The following EDIL3 variants were observed in gnomAD, a reference collection of about 807,000 sequenced individuals.
EDIL3 encodes EGF-like repeat and discoidin I-like domain-containing protein 3.
Under a neutral mutation model 67.4 loss-of-function variants are expected in EDIL3, and 37 were observed. That is an observed-to-expected ratio of 0.55 (90% confidence interval 0.42 to 0.72). EDIL3 has a LOEUF of 0.72. Ranked by LOEUF, EDIL3 falls within the 30% of genes least tolerant of loss-of-function variation. EDIL3 has a pLI of 0.00. For synonymous variants in EDIL3, 195 were observed against 196.3 expected, an observed-to-expected ratio of 0.99 and a Z score of 0.05; for missense variants, 527 against 586.3, an observed-to-expected ratio of 0.90 and a Z score of 1.04.
chr5:84,338,482 T>TCTCCCTCCCTCTCTTC (rs1447116145), intron 1 of EDIL3, among the ~76,000 whole-genome samples: 1 of 152,140 alleles, frequency 6.6e-6, no homozygotes, highest in Admixed American at 6.6e-5. Flanking sequence ...TCCCTCTCTG[T>TCTCCCTCCCTCTCTTC]CTCCCTCCCT....
At chr5:84,020,429 T>C (rs1435344994) in intron 9 of EDIL3, among the ~76,000 whole-genome samples, 1 of 152,120 alleles carries the variant, frequency 6.6e-6, no homozygotes, top group Non-Finnish European at 1.5e-5. Context: ...GCAATCTAAA[T>C]GGCAGCTGTT....
chr5:84,271,615 C>A (rs1325926957), intron 1 of EDIL3, among the ~76,000 whole-genome samples: 5 of 151,952 alleles, frequency 3.3e-5, no homozygotes, highest in African/African-American at 1.2e-4. Flanking sequence ...AATTTACTTA[C>A]CTCTGGAAAA....
intron 6 of EDIL3, among the ~76,000 whole-genome samples, chr5:84,092,521 A>G (rs752532600): frequency 6.6e-6 from 1 of 152,180 alleles, no homozygotes; most frequent in African/African-American, 2.4e-5. Flanking sequence ...GTAATTCTCT[A>G]TAACTCTTTG....
intron 5 of EDIL3, among the ~76,000 whole-genome samples, chr5:84,135,298 G>A (rs1748068681): frequency 6.6e-6 from 1 of 152,108 alleles, no homozygotes; most frequent in Non-Finnish European, 1.5e-5. Context: ...TGTTCCCCTA[G>A]TCAGGCCTCC....
At chr5:84,225,270 C>T (rs1744427206) in intron 3 of EDIL3, among the ~76,000 whole-genome samples, 1 of 151,590 alleles carries the variant, frequency 6.6e-6, no homozygotes, top group South Asian at 2.1e-4. Flanking sequence ...TCATGCATCC[C>T]CTCTACGAGT....
At chr5:84,187,856 T>A (rs191993006) in intron 3 of EDIL3, among the ~76,000 whole-genome samples, 147 of 152,074 alleles carry the variant, frequency 9.7e-4, no homozygotes, top group African/African-American at 3.2e-3. Flanking sequence ...CCTTCTCCTT[T>A]GTACTCCTCC....
At chr5:83,954,777 C>T (rs181632105) in intron 10 of EDIL3, among the ~76,000 whole-genome samples, 1 of 151,820 alleles carries the variant, frequency 6.6e-6, no homozygotes, top group Admixed American at 6.6e-5. Flanking sequence ...TCAGATTGAT[C>T]GAGTACTTGT....
At chr5:84,260,265 G>C (rs1484124670) in intron 1 of EDIL3, among the ~76,000 whole-genome samples, 5 of 152,130 alleles carry the variant, frequency 3.3e-5, no homozygotes, top group Non-Finnish European at 7.4e-5. Flanking sequence ...CTTCACAAGA[G>C]CTGCAAACTG....
intron 3 of EDIL3, among the ~76,000 whole-genome samples, chr5:84,224,405 A>G (rs1744407344): frequency 6.6e-6 from 1 of 151,572 alleles, no homozygotes; most frequent in African/African-American, 2.4e-5. Context: ...TATATTTTAT[A>G]TGGATTAGTT....
chr5:84,007,632 G>T (rs56295015), intron 9 of EDIL3, among the ~76,000 whole-genome samples: 9,480 of 152,196 alleles, frequency 0.062, 640 homozygotes, highest in African/African-American at 0.16. Flanking sequence ...AGTAGCAAAT[G>T]CTGGCAAGGT....
intron 9 of EDIL3, among the ~76,000 whole-genome samples, chr5:83,967,352 T>G (rs2112133911): frequency 6.6e-6 from 1 of 152,120 alleles, no homozygotes; most frequent in Middle Eastern, 3.4e-3. Flanking sequence ...ACAACAAATT[T>G]TATATATTAT....
intron 2 of EDIL3, among the ~76,000 whole-genome samples, chr5:84,238,462 A>G (rs1369525465): frequency 1.3e-5 from 2 of 152,058 alleles, no homozygotes; most frequent in African/African-American, 4.8e-5. Flanking sequence ...TGAAATCTGT[A>G]CGTGTCATTT....
At position 84,160,796 on chromosome 5, in the gene EDIL3, TTTCCTTTCCTTTCCTTTCCTTTC is replaced by T. The variant is rs1561449402; in HGVS notation, c.355+19574_355+19596del. The stretch of plus-strand genomic sequence containing the variant: ...TTTCCTTTCCTTTCCTTTCCTTTCC[TTTCCTTTCCTTTCCTTTCCTTTC>T]CCTTTCCTTTTCCTTTCCTTTTCCT... On this transcript the variant is annotated intron_variant, in intron 4 of 10. Coordinates refer to ENST00000296591, the MANE Select transcript of EDIL3 (RefSeq NM_005711.5). 3.3e-3 allele frequency among the ~76,000 whole-genome samples: 262 copies of T among 79,704 alleles called. 3 individuals are homozygous for T. Among genetic ancestry groups the T allele is most frequent in the African/African-American group, 0.011 (253 of 23,758 alleles). The allele number at this position is 79,704 out of a possible 152,430, so 52.3% of individuals were successfully genotyped here. A position where few individuals can be genotyped will look rare whatever the true frequency, so the allele number is the denominator to read the frequency against.
At chr5:84,200,108 T>A (rs574936531) in intron 3 of EDIL3, among the ~76,000 whole-genome samples, 30 of 152,238 alleles carry the variant, frequency 2.0e-4, no homozygotes, top group African/African-American at 6.7e-4. Context: ...TGAATTTATT[T>A]AGGATATGAG....
At position 84,384,591 on chromosome 5, in the gene EDIL3, C is replaced by A. The variant is rs1220134321; in HGVS notation, c.-217G>T. 1 of 392,906 alleles carries A rather than the reference C, an allele frequency of 2.5e-6. No homozygotes were observed. The highest frequency in any genetic ancestry group is 4.4e-6 in the Non-Finnish European group (1 of 225,020). 24.3% of individuals were successfully genotyped at this position (392,906 alleles called of 1,614,324 possible). On this transcript the variant is annotated 5_prime_UTR_variant, in exon 1 of 11. Transcript: ENST00000296591. ...TCCTCCCCTTTTGCCTGCGCTCCGGCGCGCGGAGGTGGGTGAGCTCCGGGG... is the reference window on the plus strand; with the variant it reads ...TCCTCCCCTTTTGCCTGCGCTCCGGAGCGCGGAGGTGGGTGAGCTCCGGGG...
At chr5:84,111,827 GAAAT>G in intron 5 of EDIL3, among the ~76,000 whole-genome samples, 1 of 152,264 alleles carries the variant, frequency 6.6e-6, no homozygotes, top group South Asian at 2.1e-4. Flanking sequence ...GAGACACAGA[GAAAT>G]AAGAACATTT....
chr5:84,122,221 CCT>C (rs1747789464), intron 5 of EDIL3, among the ~76,000 whole-genome samples: 1 of 151,964 alleles, frequency 6.6e-6, no homozygotes, highest in Non-Finnish European at 1.5e-5. Flanking sequence ...ATAACTCTTT[CCT>C]GCTCCCCTTC....
intron 5 of EDIL3, among the ~76,000 whole-genome samples, chr5:84,116,210 C>T (rs1467490557): frequency 1.2e-5 from 1 of 80,180 alleles, no homozygotes; most frequent in Non-Finnish European, 2.8e-5. Context: ...AAAAAAAAAA[C>T]CCCAAGAGAT....
intron 1 of EDIL3, among the ~76,000 whole-genome samples, chr5:84,293,844 ATGTT>A (rs1401920705): frequency 6.6e-6 from 1 of 151,296 alleles, no homozygotes; most frequent in Admixed American, 6.6e-5. Context: ...AATACGATGT[ATGTT>A]TGTTTTATTC....
Sources: allele counts gnomAD v4.1 joint callset (sites outside exome capture counted in the v4.1 genomes callset), GRCh38; gene constraint gnomAD v4.1.1; transcripts MANE v1.5; gene names NCBI Gene and HGNC (gene_info 2026-07-23, HGNC 2026-07-21).